Variants in ABCC2 observed in about 807,000 individuals in gnomAD.
ABCC2 encodes the protein ATP-binding cassette sub-family C member 2.
A neutral mutation model predicts 173.4 loss-of-function variants in ABCC2; 157 were observed. The ratio of observed to expected loss-of-function variants is 0.91; its 90% CI spans 0.80 to 1.03. ABCC2 has a LOEUF of 1.03. ABCC2 is among the 50% of genes least tolerant of loss of function. The probability of loss-of-function intolerance (pLI) is 0.00; values close to 1 mark genes in which losing one functional copy is unlikely to be tolerated. For synonymous variants in ABCC2, 657 were observed against 693.5 expected, an observed-to-expected ratio of 0.95 and a Z score of 0.83; for missense variants, 1,822 against 1,852.3, an observed-to-expected ratio of 0.98 and a Z score of 0.30.
intron 16 of ABCC2, among the ~76,000 whole-genome samples, chr10:99,814,654 CACAT>C (rs1345349865): frequency 2.6e-5 from 3 of 115,662 alleles, no homozygotes; most frequent in Non-Finnish European, 5.7e-5. Context: ...CATATACACA[CACAT>C]ATGTGTATAT....
chr10:99,790,657 T>A (rs1452854762), intron 2 of ABCC2, among the ~76,000 whole-genome samples: 1 of 152,208 alleles, frequency 6.6e-6, no homozygotes, highest in African/African-American at 2.4e-5. Context: ...TTACCGCCTA[T>A]GAAGCTACAT....
At chr10:99,798,255 A>G (rs1222313171) in intron 7 of ABCC2, among the ~76,000 whole-genome samples, 1 of 152,138 alleles carries the variant, frequency 6.6e-6, no homozygotes, top group African/African-American at 2.4e-5. Context: ...TGTCCTGGCA[A>G]GGGAGACCCA....
At position 99,782,793 on chromosome 10, in the gene ABCC2, A is replaced by G; in HGVS notation, c.-52A>G. 6 of 1,596,538 alleles carry G rather than the reference A, an allele frequency of 3.8e-6. No individual in the cohort carries two copies. The highest frequency in any genetic ancestry group is 5.2e-6 in the Non-Finnish European group (6 of 1,163,914). ...TTGATGAAACAAGTAAAGAAGAAAC[A>G]ACACAATCATATTAATAGAAGAGTC... On this transcript the variant is annotated 5_prime_UTR_variant, in exon 1 of 32. Coordinates refer to ENST00000647814, the MANE Select transcript of ABCC2 (RefSeq NM_000392.5).
Position 99,844,336 on chromosome 10 carries a change from T to A in ABCC2, c.3858T>A (p.Thr1286=). ...CTCCTTGCCAGGCACCCTGGGTGACTGATAAGAGGCCTCCGCCAGATTGGC... is the reference window on the plus strand; with the variant it reads ...CTCCTTGCCAGGCACCCTGGGTGACAGATAAGAGGCCTCCGCCAGATTGGC... The part of the protein sequence containing the change: ...TKVENEAPWV[T]DKRPPPDWPS... Residue 1286 remains threonine, a synonymous_variant, in exon 28 of 32, where the codon ACT becomes ACA. Transcript: ENST00000647814. 6.2e-7 allele frequency: 1 copy of A among 1,614,186 alleles called. No individual in the cohort carries two copies. The highest frequency in any genetic ancestry group is 8.5e-7 in the Non-Finnish European group (1 of 1,180,028).
At chr10:99,805,588 G>A (rs2038086585) in intron 11 of ABCC2, 141 bp downstream of exon 11, 1 of 843,232 alleles carries the variant, frequency 1.2e-6, no homozygotes, top group Admixed American at 1.8e-5. Context: ...ATGTCCTCCT[G>A]TCCCTCTCAG....
intron 28 of ABCC2, 142 bp downstream of exon 28, chr10:99,844,607 G>A (rs1163517052): frequency 8.9e-7 from 1 of 1,127,612 alleles, no homozygotes; most frequent in Non-Finnish European, 1.3e-6. Context: ...CTGGGGAGGT[G>A]TGGGGACACA....
chr10:99,811,703 T>A (rs2133044267), intron 15 of ABCC2, 101 bp downstream of exon 15: 1 of 1,338,588 alleles, frequency 7.5e-7, no homozygotes, highest in East Asian at 2.3e-5. Flanking sequence ...AAATGAGCTA[T>A]GTGCATGTCT....
rs760767568 is a variant in ABCC2, at chr10:99,850,696, GAGAC to G, written c.4414_4417del (p.Asp1472ThrfsTer16). 8 of 1,614,230 alleles carry G rather than the reference GAGAC, an allele frequency of 5.0e-6. No homozygotes were observed. The highest frequency in any genetic ancestry group is 2.5e-6 in the Non-Finnish European group (3 of 1,180,042). Reference sequence around the variant, plus strand: ...TGAGGCCACTGCTGCGGTGGATCTAGAGACAGACAACCTCATTCAGACGACCATC... The same window carrying G: ...TGAGGCCACTGCTGCGGTGGATCTAGAGACAACCTCATTCAGACGACCATC... On this transcript the variant is annotated frameshift_variant, in exon 31 of 32. Coordinates refer to ENST00000647814, the MANE Select transcript of ABCC2 (RefSeq NM_000392.5). LOFTEE classifies it high-confidence loss of function.
intron 2 of ABCC2, among the ~76,000 whole-genome samples, chr10:99,787,461 G>T (rs79095830): frequency 0.58 from 86,703 of 149,868 alleles, 25,152 homozygotes; most frequent in East Asian, 0.77. Context: ...CTTTTTTTGG[G>T]GGGACGGAGT....
chr10:99,808,626 TA>T (rs1479165292), intron 13 of ABCC2, among the ~76,000 whole-genome samples: 2 of 152,140 alleles, frequency 1.3e-5, no homozygotes, highest in Admixed American at 1.3e-4. Context: ...TCCCTTTGCA[TA>T]AACCCATGTG....
intron 25 of ABCC2, among the ~76,000 whole-genome samples, chr10:99,837,404 TG>T (rs2038844548): frequency 2.5e-5 from 1 of 40,592 alleles, no homozygotes; most frequent in Non-Finnish European, 4.9e-5. Context: ...GCCACAGTGC[TG>T]GGATTACAGT....
At position 99,818,775 on chromosome 10, in the gene ABCC2, T is replaced by C. The variant is rs375425398; in HGVS notation, c.2272-15T>C. 8.1e-6 allele frequency: 13 copies of C among 1,613,916 alleles called. No homozygotes were observed. The African/African-American group carries it at 1.3e-4, about 17-fold the overall frequency. On this transcript the variant is annotated splice_polypyrimidine_tract_variant and intron_variant, in intron 17 of 31. Coordinates refer to ENST00000647814, the MANE Select transcript of ABCC2 (RefSeq NM_000392.5). ...CTAGGGAGTAGTGCTTAATATGAAT[T>C]ATTTTCTTCTTCAGGGTATAAATCT... is the stretch of plus-strand genomic sequence containing the variant.
chr10:99,847,677 T>C (rs1475880804), intron 30 of ABCC2, among the ~76,000 whole-genome samples: 1 of 150,282 alleles, frequency 6.7e-6, no homozygotes. Context: ...TCCCAGCACT[T>C]TGGGAGGCTG....
In ABCC2 at chr10:99,792,356, A is replaced by G. The variant is rs750755532; in HGVS notation, c.330A>G (p.Thr110=). The G allele has an allele frequency of 6.2e-6, 10 of 1,613,872 alleles. No individual in the cohort carries two copies. Among genetic ancestry groups the G allele is most frequent in the African/African-American group, 1.3e-5 (1 of 74,932 alleles). Residue 110 remains threonine, a synonymous_variant, in exon 3 of 32, where the codon ACA becomes ACG. Transcript: ENST00000647814. ...RYTNPSLYLG[T]WLLVLLIQYS... The stretch of plus-strand genomic sequence containing the variant: ...CCAATCCAAGCCTCTACCTAGGCAC[A>G]TGGGTAAGACCTATACCACTTCTGC...
At chr10:99,793,344 A>G (rs2037839647) in intron 3 of ABCC2, among the ~76,000 whole-genome samples, 2 of 152,178 alleles carry the variant, frequency 1.3e-5, no homozygotes, top group South Asian at 4.1e-4. Flanking sequence ...AGTGTGGTCC[A>G]TGGAGATGAG....
chr10:99,831,949 G>T lies in ABCC2; in HGVS notation c.3104-28G>T, dbSNP rs763380684. On this transcript the variant is annotated intron_variant, in intron 22 of 31. Transcript: ENST00000647814. ...AAGTCTTCAGGGATTCCTGTGCATG[G>T]TGCTGACAAAACTGCTTCCATCTCT... The T allele has an allele frequency of 1.9e-6, 3 of 1,614,082 alleles. No individual in the cohort carries two copies. In the African/African-American group the frequency reaches 4.0e-5, roughly 22 times the overall value.
At chr10:99,810,090 C>T (rs772918245) in intron 13 of ABCC2, 44 bp from the exon 14 acceptor site, 11 of 1,552,090 alleles carry the variant, frequency 7.1e-6, no homozygotes, top group South Asian at 1.1e-5. Flanking sequence ...TGCTTGTGCT[C>T]GTTACTGACT....
intron 16 of ABCC2, among the ~76,000 whole-genome samples, chr10:99,816,441 G>C (rs933058032): frequency 6.6e-6 from 1 of 152,098 alleles, no homozygotes; most frequent in Non-Finnish European, 1.5e-5. Context: ...GTGCCACCAA[G>C]CCCAGCTACT....
intron 25 of ABCC2, among the ~76,000 whole-genome samples, chr10:99,839,107 CT>C: frequency 6.9e-6 from 1 of 144,098 alleles, no homozygotes; most frequent in Non-Finnish European, 1.5e-5. Context: ...CCCCACCTCC[CT>C]CCCGGACGGG....
Sources: gnomAD v4.1 joint callset for allele counts (sites outside exome capture counted in the v4.1 genomes callset) on GRCh38, gnomAD v4.1.1 for gene constraint, MANE v1.5 for transcripts, NCBI Gene and HGNC (gene_info 2026-07-23, HGNC 2026-07-21) for gene names.